The following ABCA12 variants were observed in gnomAD, a reference collection of about 807,000 sequenced individuals.
ABCA12 encodes glucosylceramide transporter ABCA12.
Under a neutral mutation model 293.5 loss-of-function variants are expected in ABCA12, and 156 were observed. That is an observed-to-expected ratio of 0.53 (90% CI 0.47 to 0.61). The LOEUF (loss-of-function observed/expected upper bound fraction) is 0.61. ABCA12 is among the 20% of genes least tolerant of loss of function. ABCA12 has a pLI of 0.00. For synonymous variants in ABCA12, 1,063 were observed against 1,108.0 expected, an observed-to-expected ratio of 0.96 and a Z score of 0.81; for missense variants, 2,797 against 3,090.2, an observed-to-expected ratio of 0.91 and a Z score of 2.25.
At chr2:214,951,487 G>C (rs1240692410) in intron 44 of ABCA12, among the ~76,000 whole-genome samples, 1 of 152,164 alleles carries the variant, frequency 6.6e-6, no homozygotes, top group South Asian at 2.1e-4. Context: ...TTTCATCCAG[G>C]TGTAGTGGCT....
intron 7 of ABCA12, among the ~76,000 whole-genome samples, chr2:215,037,297 A>T (rs1323956227): frequency 6.6e-6 from 1 of 152,246 alleles, no homozygotes; most frequent in Non-Finnish European, 1.5e-5. Flanking sequence ...AAACATCAGG[A>T]ATCACCAGCC....
intron 22 of ABCA12, chr2:214,999,957 G>T: frequency 3.4e-6 from 1 of 292,500 alleles, no homozygotes; most frequent in Non-Finnish European, 5.1e-6. Flanking sequence ...TGCGTAGCAT[G>T]TTCAATTCCT....
At chr2:215,134,534 ATG>A (rs1703154778) in intron 1 of ABCA12, among the ~76,000 whole-genome samples, 1 of 137,194 alleles carries the variant, frequency 7.3e-6, no homozygotes, top group Non-Finnish European at 1.6e-5. Flanking sequence ...ATACGTATAT[ATG>A]TACATATATA....
intron 11 of ABCA12, among the ~76,000 whole-genome samples, chr2:215,024,400 T>C (rs976728747): frequency 6.6e-6 from 1 of 152,044 alleles, no homozygotes; most frequent in African/African-American, 2.4e-5. Flanking sequence ...CGGATAAATA[T>C]TATAGGAGCA....
intron 2 of ABCA12, among the ~76,000 whole-genome samples, chr2:215,079,688 C>T (rs1184322579): frequency 6.8e-6 from 1 of 146,322 alleles, no homozygotes; most frequent in Non-Finnish European, 1.5e-5. Context: ...CCTAGACATT[C>T]ACAGATTCCC....
intron 6 of ABCA12, among the ~76,000 whole-genome samples, chr2:215,046,341 T>C (rs975261427): frequency 5.3e-5 from 8 of 151,124 alleles, no homozygotes; most frequent in Non-Finnish European, 1.2e-4. Flanking sequence ...GTAATGTTTT[T>C]TTTTCTTAGG....
intron 50 of ABCA12, among the ~76,000 whole-genome samples, chr2:214,939,896 C>T (rs566904328): frequency 6.6e-5 from 10 of 152,158 alleles, no homozygotes; most frequent in Non-Finnish European, 1.2e-4. Context: ...AATACAGTCA[C>T]GTCACCTACA....
At chr2:215,041,507 G>A (rs376894558) in intron 7 of ABCA12, among the ~76,000 whole-genome samples, 20 of 148,986 alleles carry the variant, frequency 1.3e-4, no homozygotes, top group Admixed American at 2.0e-4. Context: ...AGCCAAGATC[G>A]TGCCACTGCA....
Position 215,031,892 on chromosome 2 carries a change from G to A in ABCA12, c.990C>T (p.Asp330=). 1 of 1,613,636 alleles carries A rather than the reference G, an allele frequency of 6.2e-7. No homozygotes were observed. Among genetic ancestry groups the A allele is most frequent in the Non-Finnish European group, 8.5e-7 (1 of 1,179,804 alleles). The change falls in exon 9 of 53, where the codon GAC becomes GAT. Residue 330 remains aspartate, a synonymous_variant. Transcript: ENST00000272895. The stretch of plus-strand genomic sequence containing the variant: ...TCCACACATGCGTTATATTATCGGA[G>A]TCACCTGAAGTAATAATTTTTATAT... The part of the protein sequence containing the change: ...LYTLDSPAQG[D]SDNITHVWNE...
rs754933913 is a variant in ABCA12, at chr2:214,947,548, A to G, written c.7113T>C (p.His2371=). 15 of 1,613,758 alleles carry G rather than the reference A, an allele frequency of 9.3e-6. No individual in the cohort carries two copies. The highest frequency in any genetic ancestry group is 1.3e-5 in the Non-Finnish European group (15 of 1,179,844). ...IPEKDIKETV[H]KLLRRLHLMP... is the part of the protein sequence containing the mutation. ...TCAGGTGAAGTCTCCTAAGGAGTTTATGAACAGTCTGTAGGCAATAAAAGG... is the reference window on the plus strand; with the variant it reads ...TCAGGTGAAGTCTCCTAAGGAGTTTGTGAACAGTCTGTAGGCAATAAAAGG... The change falls in exon 48 of 53, where the codon CAT becomes CAC. Residue 2371 remains histidine (H), a synonymous_variant. Coordinates refer to ENST00000272895, the MANE Select transcript of ABCA12 (RefSeq NM_173076.3).
chr2:215,020,565 G>A (rs1700607137), intron 11 of ABCA12, among the ~76,000 whole-genome samples: 1 of 152,174 alleles, frequency 6.6e-6, no homozygotes, highest in Non-Finnish European at 1.5e-5. Flanking sequence ...TGAATATGGA[G>A]TTTCAGTTTT....
intron 1 of ABCA12, among the ~76,000 whole-genome samples, chr2:215,130,452 T>C (rs1447216930): frequency 2.6e-5 from 4 of 152,112 alleles, no homozygotes; most frequent in Non-Finnish European, 5.9e-5. Flanking sequence ...TTCACCTCCT[T>C]GGTTAAATAT....
chr2:214,987,494 A>G (rs998034175), intron 27 of ABCA12, among the ~76,000 whole-genome samples, 153 bp downstream of exon 27: 2 of 152,196 alleles, frequency 1.3e-5, no homozygotes, highest in African/African-American at 4.8e-5. Flanking sequence ...TTTAATCCCC[A>G]TAAGAGTCCA....
At chr2:214,956,188 T>A (rs969730000) in intron 42 of ABCA12, among the ~76,000 whole-genome samples, 1 of 152,196 alleles carries the variant, frequency 6.6e-6, no homozygotes, top group African/African-American at 2.4e-5. Flanking sequence ...ATTGATTATA[T>A]CAGCCTGTGT....
At chr2:215,077,842 A>G (rs1374713569) in intron 2 of ABCA12, among the ~76,000 whole-genome samples, 2 of 152,162 alleles carry the variant, frequency 1.3e-5, no homozygotes, top group Non-Finnish European at 2.9e-5. Context: ...CCGAGATCGG[A>G]CCTTTTATCT....
At position 215,026,870 on chromosome 2, in the gene ABCA12, T is replaced by G; in HGVS notation, c.1130A>C (p.Tyr377Ser). 6.2e-7 allele frequency: 1 copy of G among 1,613,700 alleles called. No homozygotes were observed. The highest frequency in any genetic ancestry group is 2.2e-5 in the East Asian group (1 of 44,854). The part of the protein sequence containing the change: ...NISANSPYIP[Y>S]LACVRNVTDS... ...AGTCACATTTCTCACACATGCCAAGTAAGGAATATAAGGACTATTTGCTGA... is the reference window on the plus strand; with the variant it reads ...AGTCACATTTCTCACACATGCCAAGGAAGGAATATAAGGACTATTTGCTGA... Residue 377 changes from tyrosine (Y) to serine (S), a missense_variant, in exon 10 of 53, where the codon TAC (tyrosine) becomes TCC (serine). Tyr to Ser is a moderately radical substitution (Grantham distance 144). Around this residue, in one of 3 missense-constraint regions of ABCA12, gnomAD observed 656 missense variants for 638.2 expected, o/e 1.03. Coordinates refer to ENST00000272895, the MANE Select transcript of ABCA12 (RefSeq NM_173076.3).
intron 22 of ABCA12, among the ~76,000 whole-genome samples, chr2:214,998,669 G>C (rs983557798): frequency 2.4e-4 from 36 of 152,186 alleles, no homozygotes; most frequent in African/African-American, 8.4e-4. Flanking sequence ...AGCACCCAAA[G>C]AGATTACTAA....
intron 1 of ABCA12, among the ~76,000 whole-genome samples, chr2:215,132,904 C>A (rs1365684615): frequency 1.3e-5 from 2 of 151,840 alleles, no homozygotes; most frequent in Admixed American, 6.6e-5. Flanking sequence ...TTGAAAATTT[C>A]TTGTAGGACC....
intron 23 of ABCA12, among the ~76,000 whole-genome samples, chr2:214,992,522 C>A (rs1205094347): frequency 2.1e-5 from 1 of 47,722 alleles, no homozygotes; most frequent in Non-Finnish European, 3.3e-5. Context: ...TATCCCCCCC[C>A]TTTTTTTTTT....
Sources: gnomAD v4.1 joint callset for allele counts (sites outside exome capture counted in the v4.1 genomes callset) on GRCh38, gnomAD v4.1.1 for gene constraint, gnomAD v4.1.1 regional missense constraint, MANE v1.5 for transcripts, NCBI Gene and HGNC (gene_info 2026-07-23, HGNC 2026-07-21) for gene names.